The following MROH9 variants were observed in gnomAD, a reference collection of about 807,000 sequenced individuals.
The protein encoded by MROH9 is maestro heat like repeat family member 9, also known as maestro heat-like repeat-containing protein family member 9.
MROH9 carries 92 observed loss-of-function variants against 98.2 expected under a neutral mutation model. The ratio of observed to expected loss-of-function variants is 0.94; its 90% CI spans 0.79 to 1.11. MROH9 has a LOEUF of 1.11. MROH9 is among the 50% of genes most tolerant of loss of function. MROH9 has a pLI of 0.00. For synonymous variants in MROH9, 397 were observed against 368.9 expected, an observed-to-expected ratio of 1.08 and a Z score of -0.87; for missense variants, 1,057 against 1,014.8, an observed-to-expected ratio of 1.04 and a Z score of -0.57.
chr1:171,057,137 G>C (rs963619678), intron 20 of MROH9, among the ~76,000 whole-genome samples: 1 of 152,180 alleles, frequency 6.6e-6, no homozygotes, highest in Non-Finnish European at 1.5e-5. Flanking sequence ...GACAGAAGTA[G>C]GCTTCAGAAG....
chr1:171,010,173 C>T (rs1652101103), intron 15 of MROH9, among the ~76,000 whole-genome samples: 1 of 152,120 alleles, frequency 6.6e-6, no homozygotes, highest in Admixed American at 6.5e-5. Context: ...TGTTCAACTC[C>T]CACTTATGAG....
At chr1:171,034,344 G>T (rs998630620) in intron 20 of MROH9, among the ~76,000 whole-genome samples, 2 of 152,092 alleles carry the variant, frequency 1.3e-5, no homozygotes, top group Non-Finnish European at 2.9e-5. Flanking sequence ...TCTAACTAAT[G>T]GATGAATGGA....
intron 20 of MROH9, among the ~76,000 whole-genome samples, chr1:171,031,410 G>A (rs1050374601): frequency 1.4e-4 from 22 of 152,108 alleles, no homozygotes; most frequent in Admixed American, 1.2e-3. Context: ...GTTTTCCAGT[G>A]GCTGGTACTG....
intron 3 of MROH9, 64 bp from the exon 4 acceptor site, chr1:170,958,397 T>C: frequency 1.1e-6 from 1 of 936,922 alleles, no homozygotes; most frequent in Non-Finnish European, 1.6e-6. Context: ...CATGCTATTA[T>C]GAGTCTCACT....
At chr1:170,986,043 T>TTTTACA (rs553086371) in intron 9 of MROH9, among the ~76,000 whole-genome samples, 278 of 152,286 alleles carry the variant, frequency 1.8e-3, no homozygotes, top group Middle Eastern at 3.4e-3. Flanking sequence ...TTTGTTCAAA[T>TTTTACA]TTTACAATCC....
chr1:171,053,383 C>G (rs759701146), intron 20 of MROH9, among the ~76,000 whole-genome samples: 1 of 152,182 alleles, frequency 6.6e-6, no homozygotes, highest in African/African-American at 2.4e-5. Context: ...AAAGAGTAAA[C>G]AGGAAATAGA....
chr1:171,009,112 A>G (rs1652061521), intron 15 of MROH9, among the ~76,000 whole-genome samples: 2 of 151,736 alleles, frequency 1.3e-5, no homozygotes, highest in Admixed American at 1.3e-4. Context: ...TATTAAAGAA[A>G]CTGGTTACTT....
intron 3 of MROH9, among the ~76,000 whole-genome samples, chr1:170,947,818 T>G (rs1419984507): frequency 6.6e-6 from 1 of 151,906 alleles, no homozygotes; most frequent in African/African-American, 2.4e-5. Context: ...GGATGAAACT[T>G]TTTACCCATC....
chr1:170,969,907 G>T (rs1421048266), intron 7 of MROH9, among the ~76,000 whole-genome samples: 1 of 152,246 alleles, frequency 6.6e-6, no homozygotes, highest in East Asian at 1.9e-4. Flanking sequence ...TGGTTGTCAC[G>T]CTTCTGAAGG....
chr1:171,008,687 T>G (rs2101826768), intron 15 of MROH9, among the ~76,000 whole-genome samples: 1 of 152,312 alleles, frequency 6.6e-6, no homozygotes, highest in Admixed American at 6.5e-5. Context: ...GGCCAGGAGT[T>G]TGAGGCTGTC....
At chr1:171,029,147 T>C (rs1652823974) in intron 20 of MROH9, among the ~76,000 whole-genome samples, 1 of 152,174 alleles carries the variant, frequency 6.6e-6, no homozygotes, top group Admixed American at 6.5e-5. Context: ...GATATGATAT[T>C]GGCTGTGGGT....
chr1:171,034,461 C>T lies in MROH9; in HGVS notation c.2281+9041C>T, dbSNP rs528055271. Among the ~76,000 whole-genome samples the T allele has an allele frequency of 6.0e-4, 92 of 152,204 alleles. 1 individual carries two copies. Among genetic ancestry groups the T allele is most frequent in the African/African-American group, 2.1e-3 (87 of 41,566 alleles). On this transcript the variant is annotated intron_variant, in intron 20 of 21. Coordinates refer to ENST00000367759, the MANE Select transcript of MROH9 (RefSeq NM_001163629.2). Reference sequence around the variant, plus strand: ...TTTCTCTATGCCTTGGAAGGCTGACCTCTGCATTCTGTATCTCCCAAGCTC... The same window carrying T: ...TTTCTCTATGCCTTGGAAGGCTGACTTCTGCATTCTGTATCTCCCAAGCTC...
intron 3 of MROH9, among the ~76,000 whole-genome samples, chr1:170,956,809 C>T (rs533144298): frequency 2.6e-5 from 4 of 151,760 alleles, no homozygotes; most frequent in Admixed American, 6.6e-5. Flanking sequence ...AAACAGTGAC[C>T]GTTTGACTTC....
At chr1:170,983,599 T>C in intron 9 of MROH9, 65 bp downstream of exon 9, 1 of 933,164 alleles carries the variant, frequency 1.1e-6, no homozygotes, top group Non-Finnish European at 1.7e-6. Flanking sequence ...TAGTAACAAT[T>C]TATTTCAACA....
intron 6 of MROH9, among the ~76,000 whole-genome samples, chr1:170,963,949 A>G (rs61815976): frequency 0.08 from 12,136 of 152,108 alleles, 620 homozygotes; most frequent in Non-Finnish European, 0.11. Context: ...CTTAAAATAA[A>G]AGTTAAAAAA....
chr1:170,945,518 A>C lies in MROH9; in HGVS notation c.-37-2A>C, dbSNP rs1649295700. The C allele has an allele frequency of 6.2e-7, 1 of 1,609,908 alleles. No individual in the cohort carries two copies. The highest frequency in any genetic ancestry group is 1.3e-5 in the African/African-American group (1 of 74,762). The stretch of plus-strand genomic sequence containing the variant: ...TGTACTAATACGTGATATTTTTTGC[A>C]GCATTACTAGTAGAAGACTTTAATA... On this transcript the variant is annotated splice_acceptor_variant, in intron 1 of 21. Coordinates refer to ENST00000367759, the MANE Select transcript of MROH9 (RefSeq NM_001163629.2). LOFTEE classifies it low-confidence loss of function (5UTR_SPLICE).
intron 8 of MROH9, among the ~76,000 whole-genome samples, chr1:170,977,847 A>G (rs115510831): frequency 0.02 from 3,013 of 152,248 alleles, 97 homozygotes; most frequent in African/African-American, 0.069. Context: ...CAGGTCAGCA[A>G]TTGCTCAGTG....
chr1:171,000,428 G>T lies in MROH9; in HGVS notation c.1596+2154G>T, dbSNP rs187075336. Among the ~76,000 whole-genome samples the T allele has an allele frequency of 8.5e-5, 13 of 152,052 alleles. No homozygotes were observed. In the East Asian group the frequency reaches 2.5e-3, roughly 29 times the overall value. On this transcript the variant is annotated intron_variant, in intron 15 of 21. Coordinates refer to ENST00000367759, the MANE Select transcript of MROH9 (RefSeq NM_001163629.2). ...GCTATGTCCCTTGTATGCCGATTTT[G>T]CTGAGGGTTTTAATCATAAAGGGAT...
At chr1:171,051,907 C>G (rs1042558762) in intron 20 of MROH9, among the ~76,000 whole-genome samples, 1 of 152,066 alleles carries the variant, frequency 6.6e-6, no homozygotes, top group Non-Finnish European at 1.5e-5. Context: ...TGTTTTGTGC[C>G]TTTGCCATGC....
Sources: allele counts gnomAD v4.1 joint callset (sites outside exome capture counted in the v4.1 genomes callset), GRCh38; gene constraint gnomAD v4.1.1; transcripts MANE v1.5; gene names NCBI Gene and HGNC (gene_info 2026-07-23, HGNC 2026-07-21).